The following SAP30L variants were observed in gnomAD, a reference collection of about 807,000 sequenced individuals.
The protein encoded by SAP30L is SAP30 like.
In SAP30L, 10 loss-of-function variants were observed where a neutral mutation model predicts 22.3. The observed-to-expected ratio is 0.45, with a 90% CI of 0.28 to 0.76. SAP30L has a LOEUF of 0.76. Among genes scored for constraint, SAP30L ranks in the 30% least tolerant of loss-of-function variants. The pLI, the probability that SAP30L is intolerant of heterozygous loss-of-function variation, is 0.14. For missense variants in SAP30L, 206 were observed against 237.9 expected, an observed-to-expected ratio of 0.87 and a Z score of 0.88; for synonymous variants, 91 against 94.1, an observed-to-expected ratio of 0.97 and a Z score of 0.19.
rs1561698427 is a variant in SAP30L at position 154,446,254 on chromosome 5, G to C, written c.-351G>C. The C allele has an allele frequency of 4.5e-6, 1 of 220,268 alleles. No homozygotes were observed. Among genetic ancestry groups the C allele is most frequent in the Non-Finnish European group, 8.9e-6 (1 of 112,658 alleles). 13.6% of individuals were successfully genotyped at this position (220,268 alleles called of 1,614,324 possible). A position where few individuals can be genotyped will look rare whatever the true frequency, so the allele number is the denominator to read the frequency against. On this transcript the variant is annotated 5_prime_UTR_variant, in exon 1 of 4. Coordinates refer to ENST00000297109, the MANE Select transcript of SAP30L (RefSeq NM_024632.6). ...AACCCCCTGGCAACCCAGGCCCGGAGTCCTTGGGGAGCGGCTGTTTCCTGG... is the reference window on the plus strand; with the variant it reads ...AACCCCCTGGCAACCCAGGCCCGGACTCCTTGGGGAGCGGCTGTTTCCTGG...
chr5:154,456,079 A>G lies in SAP30L; in HGVS notation c.*51A>G, dbSNP rs759481797. ...AAGTGTAATGCTTGATGCACAGGTG[A>G]TATCTACTACATTTAAGCCCATAAA... On this transcript the variant is annotated 3_prime_UTR_variant, in exon 4 of 4. Coordinates refer to ENST00000297109, the MANE Select transcript of SAP30L (RefSeq NM_024632.6). 6.3e-7 allele frequency: 1 copy of G among 1,576,994 alleles called. No homozygotes were observed. Among genetic ancestry groups the G allele is most frequent in the Non-Finnish European group, 8.6e-7 (1 of 1,160,120 alleles).
At chr5:154,455,218 T>A (rs1757237769) in intron 3 of SAP30L, among the ~76,000 whole-genome samples, 1 of 152,110 alleles carries the variant, frequency 6.6e-6, no homozygotes, top group Admixed American at 6.5e-5. Flanking sequence ...ATCCCCAGCC[T>A]AACCCAATTT....
At chr5:154,455,783 C>T (rs2113281416) in intron 3 of SAP30L, 117 bp from the exon 4 acceptor site, 1 of 1,300,426 alleles carries the variant, frequency 7.7e-7, no homozygotes, top group Non-Finnish European at 1.0e-6. Flanking sequence ...AGTTCTTCAG[C>T]ATTTGTCATT....
rs1757263726 is a variant in SAP30L at position 154,456,279 on chromosome 5, G to T, written c.*251G>T. On this transcript the variant is annotated 3_prime_UTR_variant, in exon 4 of 4. Coordinates refer to ENST00000297109, the MANE Select transcript of SAP30L (RefSeq NM_024632.6). The stretch of plus-strand genomic sequence containing the variant: ...AAAGAATTAAAAACTATGTATTTCA[G>T]CATTCAACAAAGCATTAAATCAATT... 1 of 291,984 alleles carries T rather than the reference G, an allele frequency of 3.4e-6. No individual in the cohort carries two copies. The highest frequency in any genetic ancestry group is 6.4e-6 in the Non-Finnish European group (1 of 156,650). The allele number at this position is 291,984 out of a possible 1,614,324, so 18.1% of individuals were successfully genotyped here. A position where few individuals can be genotyped will look rare whatever the true frequency, so the allele number is the denominator to read the frequency against.
At position 154,455,984 on chromosome 5, in the gene SAP30L, A is replaced by T. The variant is rs1561703467; in HGVS notation, c.508A>T (p.Ser170Cys). 6.2e-7 allele frequency: 1 copy of T among 1,614,128 alleles called. No individual in the cohort carries two copies. Among genetic ancestry groups the T allele is most frequent in the Non-Finnish European group, 8.5e-7 (1 of 1,180,012 alleles). Residue 170 changes from serine to cysteine, a missense_variant, in exon 4 of 4, where the codon AGT becomes TGT. Physicochemically the swap from Ser to Cys is moderately radical, Grantham distance 112. Coordinates refer to ENST00000297109, the MANE Select transcript of SAP30L (RefSeq NM_024632.6). ...YFIYMVKSNK[S>C]RLDQKSEGGK... Reference sequence around the variant, plus strand: ...CATCTACATGGTGAAGAGTAACAAGAGTAGACTGGACCAGAAATCGGAGGG... The same window carrying T: ...CATCTACATGGTGAAGAGTAACAAGTGTAGACTGGACCAGAAATCGGAGGG...
chr5:154,458,519 T>C lies in SAP30L; in HGVS notation c.*2491T>C, dbSNP rs1413478055. 3 of 152,244 alleles carry C rather than the reference T, an allele frequency of 2.0e-5. No individual in the cohort carries two copies. Among genetic ancestry groups the C allele is most frequent in the Non-Finnish European group, 4.4e-5 (3 of 68,082 alleles). 9.4% of individuals were successfully genotyped at this position (152,244 alleles called of 1,614,324 possible). A position where few individuals can be genotyped will look rare whatever the true frequency, so the allele number is the denominator to read the frequency against. On this transcript the variant is annotated 3_prime_UTR_variant, in exon 4 of 4. Coordinates refer to ENST00000297109, the MANE Select transcript of SAP30L (RefSeq NM_024632.6). ...TGGGGAAAGCAATGTTCATCTTGGC[T>C]GCTCCATTTTTATACCATCCATCAA...
At position 154,455,959 on chromosome 5, in the gene SAP30L, C is replaced by T. The variant is rs1757254582; in HGVS notation, c.483C>T (p.Phe161=). 2 of 1,614,010 alleles carry T rather than the reference C, an allele frequency of 1.2e-6. No individual in the cohort carries two copies. The highest frequency in any genetic ancestry group is 1.7e-6 in the Non-Finnish European group (2 of 1,180,012). ...PVNEKETLAY[F]IYMVKSNKSR... ...ATGAAAAAGAGACCCTTGCCTACTT[C>T]ATCTACATGGTGAAGAGTAACAAGA... Residue 161 remains phenylalanine (F), a synonymous_variant, in exon 4 of 4, where the codon TTC becomes TTT. Transcript: ENST00000297109.
Position 154,446,599 on chromosome 5 carries a change from G to T in SAP30L, c.-6G>T, listed in dbSNP as rs1467006138. ...TCCCCCAGAGGGACCGGCCCGGGGCGGGGAGATGAACGGCTTCAGCACGGA... is the reference window on the plus strand; with the variant it reads ...TCCCCCAGAGGGACCGGCCCGGGGCTGGGAGATGAACGGCTTCAGCACGGA... On this transcript the variant is annotated 5_prime_UTR_variant, in exon 1 of 4. Coordinates refer to ENST00000297109, the MANE Select transcript of SAP30L (RefSeq NM_024632.6). 1.4e-6 allele frequency: 2 copies of T among 1,473,236 alleles called. No homozygotes were observed. The highest frequency in any genetic ancestry group is 2.4e-4 in the Middle Eastern group (1 of 4,174). 91.3% of individuals were successfully genotyped at this position (1,473,236 alleles called of 1,614,324 possible). A position where few individuals can be genotyped will look rare whatever the true frequency, so the allele number is the denominator to read the frequency against.
intron 2 of SAP30L, among the ~76,000 whole-genome samples, chr5:154,452,677 C>G (rs1757170411): frequency 6.6e-6 from 1 of 151,624 alleles, no homozygotes; most frequent in Non-Finnish European, 1.5e-5. Flanking sequence ...TGAACTTTCT[C>G]TGGAGGGAGG....
At chr5:154,450,876 G>A (rs1269704812) in intron 1 of SAP30L, among the ~76,000 whole-genome samples, 1 of 152,180 alleles carries the variant, frequency 6.6e-6, no homozygotes, top group African/African-American at 2.4e-5. Flanking sequence ...CCATTCACTG[G>A]AAGTTTGGTG....
chr5:154,447,332 A>T (rs1757041627), intron 1 of SAP30L, among the ~76,000 whole-genome samples: 1 of 152,274 alleles, frequency 6.6e-6, no homozygotes, highest in African/African-American at 2.4e-5. Flanking sequence ...TGTGGCAGAA[A>T]TAAGGCCAAG....
At chr5:154,450,826 A>T (rs1757122058) in intron 1 of SAP30L, among the ~76,000 whole-genome samples, 1 of 152,174 alleles carries the variant, frequency 6.6e-6, no homozygotes, top group South Asian at 2.1e-4. Context: ...TGTTGCAGGG[A>T]TCTCTTCCTT....
intron 2 of SAP30L, 63 bp downstream of exon 2, chr5:154,451,276 C>T: frequency 1.3e-6 from 2 of 1,533,588 alleles, no homozygotes; most frequent in African/African-American, 1.4e-5. Context: ...ATTCTCACCT[C>T]TGGCCTGGTC....
At chr5:154,453,972 T>G (rs986214455) in intron 3 of SAP30L, among the ~76,000 whole-genome samples, 1 of 152,110 alleles carries the variant, frequency 6.6e-6, no homozygotes, top group Non-Finnish European at 1.5e-5. Flanking sequence ...GGACCACAGG[T>G]GCACACCCCT....
chr5:154,446,946 A>C, intron 1 of SAP30L, 141 bp downstream of exon 1: 1 of 653,626 alleles, frequency 1.5e-6, no homozygotes, highest in Non-Finnish European at 2.5e-6. Flanking sequence ...TGGACTCCGC[A>C]TTTCAAAGGC....
rs1757361013 is a variant in SAP30L, at chr5:154,460,965, T to A, written c.*4937T>A. ...GGCTCTCAATTCTGTGGGGTCTCCT[T>A]AGTATGTATGTGACTTTTCATGTTG... On this transcript the variant is annotated 3_prime_UTR_variant, in exon 4 of 4. Coordinates refer to ENST00000297109, the MANE Select transcript of SAP30L (RefSeq NM_024632.6). 1 of 152,220 alleles carries A rather than the reference T, an allele frequency of 6.6e-6. No individual in the cohort carries two copies. Among genetic ancestry groups the A allele is most frequent in the African/African-American group, 2.4e-5 (1 of 41,460 alleles). The allele number at this position is 152,220 out of a possible 1,614,324, so 9.4% of individuals were successfully genotyped here.
intron 3 of SAP30L, 74 bp downstream of exon 3, chr5:154,453,574 A>C: frequency 1.0e-6 from 1 of 992,490 alleles, no homozygotes; most frequent in Non-Finnish European, 1.6e-6. Flanking sequence ...ATTCTCCCTT[A>C]CCTTGTGTGT....
Position 154,452,462 on chromosome 5 carries a change from C to G in SAP30L, c.325-940C>G, listed in dbSNP as rs911137368. Reference sequence around the variant, plus strand: ...CATTCATTTTGTTTTTAAGTGCTCTCCACCTGCCTGAAGCAAGAACAGCTC... The same window carrying G: ...CATTCATTTTGTTTTTAAGTGCTCTGCACCTGCCTGAAGCAAGAACAGCTC... On this transcript the variant is annotated intron_variant, in intron 2 of 3. Coordinates refer to ENST00000297109, the MANE Select transcript of SAP30L (RefSeq NM_024632.6). 10 of 984,896 alleles carry G rather than the reference C, an allele frequency of 1.0e-5. No homozygotes were observed. In the Admixed American group the frequency reaches 4.9e-4, roughly 48 times the overall value. The allele number at this position is 984,896 out of a possible 1,614,324, so 61.0% of individuals were successfully genotyped here.
rs1757333084 is a variant in SAP30L, at chr5:154,459,590, G to A, written c.*3562G>A. 6.6e-6 allele frequency: 1 copy of A among 152,262 alleles called. No individual in the cohort carries two copies. Among genetic ancestry groups the A allele is most frequent in the African/African-American group, 2.4e-5 (1 of 41,442 alleles). The allele number at this position is 152,262 out of a possible 1,614,324, so 9.4% of individuals were successfully genotyped here. On this transcript the variant is annotated 3_prime_UTR_variant, in exon 4 of 4. Transcript: ENST00000297109. Reference sequence around the variant, plus strand: ...TATTAGTCCACTCAGTTCCTTGTTGGAGAATGTTGAGAAAACCCTACTGGC... The same window carrying A: ...TATTAGTCCACTCAGTTCCTTGTTGAAGAATGTTGAGAAAACCCTACTGGC...
Sources: gnomAD v4.1 joint callset for allele counts (sites outside exome capture counted in the v4.1 genomes callset) on GRCh38, gnomAD v4.1.1 for gene constraint, MANE v1.5 for transcripts, NCBI Gene and HGNC (gene_info 2026-07-23, HGNC 2026-07-21) for gene names.